LINGO1: variants seen among roughly 807,000 people sequenced by gnomAD.
The protein encoded by LINGO1 is leucine rich repeat and Ig domain containing 1.
Under a neutral mutation model 37.3 loss-of-function variants are expected in LINGO1, and 11 were observed. The ratio of observed to expected loss-of-function variants is 0.29; its 90% confidence interval spans 0.19 to 0.49. The LOEUF (loss-of-function observed/expected upper bound fraction) is 0.49. LINGO1 is among the 20% of genes least tolerant of loss of function. LINGO1 has a pLI of 0.99. For synonymous variants in LINGO1, 387 were observed against 403.0 expected, an observed-to-expected ratio of 0.96 and a Z score of 0.48; for missense variants, 585 against 878.2, an observed-to-expected ratio of 0.67 and a Z score of 4.22.
Position 77,776,518 on chromosome 15 carries a change from A to AAGGCAGGAAGGCAGGAAGGG in LINGO1, c.-257+10350_-257+10351insCCCTTCCTGCCTTCCTGCCT, listed in dbSNP as rs1567577722. 6.3e-4 allele frequency among the ~76,000 whole-genome samples: 31 copies of AAGGCAGGAAGGCAGGAAGGG among 49,566 alleles called. 1 individual carries two copies. The highest frequency in any genetic ancestry group is 2.0e-3 in the African/African-American group (25 of 12,758). 32.5% of individuals were successfully genotyped at this position (49,566 alleles called of 152,430 possible). On this transcript the variant is annotated intron_variant, in intron 1 of 3. Coordinates refer to the LINGO1 transcript ENST00000561686. ...GAAGGCAGGAAGGCAGGAAGGCAGGAAGGGAGGAAGGGAGGGAGGGAGGGA... is the reference window on the plus strand; with the variant it reads ...GAAGGCAGGAAGGCAGGAAGGCAGGAAGGCAGGAAGGCAGGAAGGGAGGGAGGAAGGGAGGGAGGGAGGGA...
At chr15:77,645,296 A>G (rs1046941488) in intron 3 of LINGO1, among the ~76,000 whole-genome samples, 1 of 151,664 alleles carries the variant, frequency 6.6e-6, no homozygotes, top group Admixed American at 6.5e-5. Flanking sequence ...TCACAGCCCA[A>G]GACGCTGGGA....
At chr15:77,644,961 C>T (rs912728571) in intron 3 of LINGO1, among the ~76,000 whole-genome samples, 21 of 152,302 alleles carry the variant, frequency 1.4e-4, no homozygotes, top group Non-Finnish European at 2.6e-4. Context: ...GAGGGCTCCC[C>T]ACACTCTTAA....
intron 1 of LINGO1, among the ~76,000 whole-genome samples, chr15:77,692,057 C>T (rs1411493990): frequency 6.6e-6 from 1 of 152,212 alleles, no homozygotes; most frequent in East Asian, 1.9e-4. Flanking sequence ...TTTCTGATGC[C>T]AAAGACAGAC....
intron 1 of LINGO1, among the ~76,000 whole-genome samples, chr15:77,785,370 C>G (rs900670162): frequency 1.3e-5 from 2 of 152,210 alleles, no homozygotes; most frequent in Admixed American, 1.3e-4. Flanking sequence ...CCACCAGCCT[C>G]TTCCCAGGCC....
At chr15:77,807,025 G>A (rs777389808) in intron 1 of LINGO1, among the ~76,000 whole-genome samples, 3 of 152,134 alleles carry the variant, frequency 2.0e-5, no homozygotes, top group East Asian at 1.9e-4. Flanking sequence ...GGGCAGCCTC[G>A]GCTCCAGCCA....
chr15:77,740,919 T>C (rs1244619048), intron 1 of LINGO1, among the ~76,000 whole-genome samples: 1 of 152,188 alleles, frequency 6.6e-6, no homozygotes, highest in African/African-American at 2.4e-5. Context: ...TGGCCAAAGG[T>C]GGCAGCAGCC....
At chr15:77,751,028 C>T (rs987205093) in intron 1 of LINGO1, among the ~76,000 whole-genome samples, 5 of 152,122 alleles carry the variant, frequency 3.3e-5, no homozygotes, top group African/African-American at 4.8e-5. Flanking sequence ...GGGTATTCCG[C>T]GGACCATAAC....
rs1442557629 is a variant in LINGO1, at chr15:77,614,812, G to A, written c.1095C>T (p.Ile365=). ...FHSVGNLETL[I]LDSNPLACDC... ...CGCAGGCCAGCGGGTTGGAGTCCAG[G>A]ATGAGTGTCTCCAGGTTGCCCACCG... Residue 365 remains isoleucine, a synonymous_variant, in exon 2 of 2, where the codon ATC becomes ATT. Transcript: ENST00000355300. 1.9e-6 allele frequency: 3 copies of A among 1,611,604 alleles called. No homozygotes were observed. Among genetic ancestry groups the A allele is most frequent in the Non-Finnish European group, 2.5e-6 (3 of 1,178,930 alleles).
At chr15:77,814,553 T>C (rs1041281281) in intron 1 of LINGO1, among the ~76,000 whole-genome samples, 2 of 152,228 alleles carry the variant, frequency 1.3e-5, no homozygotes, top group East Asian at 1.9e-4. Context: ...TCAGCTAACA[T>C]TTACTGAGAT....
intron 1 of LINGO1, among the ~76,000 whole-genome samples, chr15:77,617,293 C>T (rs1008012948): frequency 1.3e-5 from 2 of 152,130 alleles, no homozygotes; most frequent in African/African-American, 4.8e-5. Flanking sequence ...TCCATCCACC[C>T]CCATGAGAAA....
chr15:77,647,390 G>C (rs1166044006), intron 3 of LINGO1, among the ~76,000 whole-genome samples: 1 of 151,308 alleles, frequency 6.6e-6, no homozygotes, highest in Non-Finnish European at 1.5e-5. Context: ...GGAAGAGAAG[G>C]GAAAGGCAGC....
chr15:77,676,400 A>C (rs939087953), intron 3 of LINGO1, among the ~76,000 whole-genome samples: 1 of 152,276 alleles, frequency 6.6e-6, no homozygotes, highest in Admixed American at 6.5e-5. Context: ...TTTGTTGTCT[A>C]TCTGAAGTTC....
intron 3 of LINGO1, among the ~76,000 whole-genome samples, chr15:77,652,483 A>AGGGT (rs1555525720): frequency 7.8e-6 from 1 of 128,878 alleles, no homozygotes; most frequent in African/African-American, 3.2e-5. Context: ...GGGGAGGGAG[A>AGGGT]GTGTGTGTGT....
chr15:77,624,441 T>G (rs1232737617), intron 1 of LINGO1, among the ~76,000 whole-genome samples: 2 of 152,270 alleles, frequency 1.3e-5, no homozygotes, highest in East Asian at 3.9e-4. Context: ...TCGGCCACCC[T>G]GCACTGAAGG....
intron 2 of LINGO1, among the ~76,000 whole-genome samples, chr15:77,722,100 C>T (rs143494711): frequency 1.3e-4 from 20 of 152,258 alleles, no homozygotes; most frequent in African/African-American, 3.9e-4. Context: ...TATTTCACCC[C>T]GACATGCTGC....
chr15:77,714,221 C>T (rs2141298322), intron 2 of LINGO1, among the ~76,000 whole-genome samples: 1 of 152,312 alleles, frequency 6.6e-6, no homozygotes, highest in African/African-American at 2.4e-5. Flanking sequence ...CTCCCTGTCC[C>T]CAGTTCTGCT....
intron 1 of LINGO1, among the ~76,000 whole-genome samples, chr15:77,625,162 G>C (rs573804295): frequency 6.6e-6 from 1 of 152,140 alleles, no homozygotes; most frequent in African/African-American, 2.4e-5. Context: ...TGCTTGGGGT[G>C]GGGGGTGCCA....
chr15:77,669,287 T>C (rs1258820452), intron 3 of LINGO1, among the ~76,000 whole-genome samples: 1 of 152,200 alleles, frequency 6.6e-6, no homozygotes, highest in Non-Finnish European at 1.5e-5. Flanking sequence ...GTCCTCAGAC[T>C]CTGCCAGCCC....
intron 1 of LINGO1, among the ~76,000 whole-genome samples, chr15:77,752,200 A>T (rs918020667): frequency 7.9e-5 from 12 of 152,190 alleles, no homozygotes; most frequent in Non-Finnish European, 1.6e-4. Flanking sequence ...TGCCTGCCCC[A>T]GCCCCTCTCA....
Sources: allele counts gnomAD v4.1 joint callset (sites outside exome capture counted in the v4.1 genomes callset), GRCh38; gene constraint gnomAD v4.1.1; transcripts MANE v1.5; gene names NCBI Gene and HGNC (gene_info 2026-07-23, HGNC 2026-07-21).